Variants in UNC5B observed in about 807,000 individuals in gnomAD.
UNC5B encodes the protein unc-5 netrin receptor B, also known as netrin receptor UNC5B.
Under a neutral mutation model 103.7 loss-of-function variants are expected in UNC5B, and 56 were observed. The ratio of observed to expected loss-of-function variants is 0.54; its 90% confidence interval spans 0.44 to 0.67. The LOEUF (loss-of-function observed/expected upper bound fraction) is 0.67, where lower values mean the gene tolerates loss of function less well. Among genes scored for constraint, UNC5B ranks in the 30% least tolerant of loss-of-function variants. UNC5B has a pLI of 0.00. For missense variants in UNC5B, 1,194 were observed against 1,284.5 expected, an observed-to-expected ratio of 0.93 and a Z score of 1.08; for synonymous variants, 577 against 542.0, an observed-to-expected ratio of 1.06 and a Z score of -0.90.
At chr10:71,280,644 G>T (rs954629290) in intron 2 of UNC5B, among the ~76,000 whole-genome samples, 4 of 152,210 alleles carry the variant, frequency 2.6e-5, no homozygotes, top group African/African-American at 9.6e-5. Context: ...CTTCCTTCTC[G>T]GATATGTGGG....
At chr10:71,244,657 C>A (rs1843982204) in intron 1 of UNC5B, among the ~76,000 whole-genome samples, 1 of 152,222 alleles carries the variant, frequency 6.6e-6, no homozygotes, top group South Asian at 2.1e-4. Context: ...AATATCACAA[C>A]CTCCAAGAGG....
In UNC5B at chr10:71,298,575, T is replaced by C. The variant is rs115366442; in HGVS notation, c.2672+485T>C. The stretch of plus-strand genomic sequence containing the variant: ...CCAATGATAATAAATATTATACTTA[T>C]TGAAAGATGTGTAATAAACCTGCAT... On this transcript the variant is annotated intron_variant, in intron 16 of 16. Coordinates refer to ENST00000335350, the MANE Select transcript of UNC5B (RefSeq NM_170744.5). 1.1e-3 allele frequency among the ~76,000 whole-genome samples: 172 copies of C among 152,288 alleles called. 1 individual carries two copies. Among genetic ancestry groups the C allele is most frequent in the African/African-American group, 3.9e-3 (164 of 41,548 alleles).
chr10:71,273,810 G>A (rs112563707), intron 1 of UNC5B, among the ~76,000 whole-genome samples: 1,907 of 152,316 alleles, frequency 0.013, 49 homozygotes, highest in African/African-American at 0.043. Context: ...GAGGCTTTGA[G>A]CTGTCTGACT....
chr10:71,231,553 C>T (rs1037689998), intron 1 of UNC5B, among the ~76,000 whole-genome samples: 22 of 152,150 alleles, frequency 1.4e-4, no homozygotes, highest in Non-Finnish European at 4.4e-5. Context: ...AGCAATGTAC[C>T]CTAAATGCTC....
rs10999763 is a variant in UNC5B, at chr10:71,292,375, T to A, written c.1685-92T>A. ...GGGACTACCTGGAGCTCAGGAGATA[T>A]CTTTCTCTCCCAGCCCCAAGCTGGG... On this transcript the variant is annotated intron_variant, in intron 10 of 16. Transcript: ENST00000335350. 28 of 1,120,670 alleles carry A rather than the reference T, an allele frequency of 2.5e-5. No homozygotes were observed. In the African/African-American group the frequency reaches 3.4e-4, roughly 14 times the overall value. The allele number at this position is 1,120,670 out of a possible 1,614,324, so 69.4% of individuals were successfully genotyped here.
chr10:71,242,714 C>T (rs1425062860), intron 1 of UNC5B, among the ~76,000 whole-genome samples: 2 of 152,238 alleles, frequency 1.3e-5, no homozygotes, highest in Non-Finnish European at 1.5e-5. Context: ...CTGCCACATC[C>T]GTTCCTGTAG....
Position 71,295,825 on chromosome 10 carries a change from G to A in UNC5B, c.2190G>A (p.Leu730=). The A allele has an allele frequency of 6.2e-7, 1 of 1,612,478 alleles. No homozygotes were observed. Among genetic ancestry groups the A allele is most frequent in the South Asian group, 1.1e-5 (1 of 90,988 alleles). ...TPVALKEVLE[L]ERTLGGYLVE... is the part of the protein sequence containing the mutation. The stretch of plus-strand genomic sequence containing the variant: ...CTGGCCCACAGGAGGTGCTGGAGCT[G>A]GAGCGGACTCTGGGCGGATACTTGG... Residue 730 remains leucine (L), a synonymous_variant, in exon 14 of 17, where the codon CTG becomes CTA. Transcript: ENST00000335350.
chr10:71,287,719 C>T lies in UNC5B; in HGVS notation c.855C>T (p.Cys285=), dbSNP rs370545319. Residue 285 remains cysteine, a synonymous_variant, in exon 6 of 17, where the codon TGC becomes TGT. Transcript: ENST00000335350. ...CTCCACTCAACGGAGGGGCCTTCTG[C>T]GAGGGCCAGGCATTCCAGAAGACCG... ...NPAPLNGGAF[C]EGQAFQKTAC... 1.3e-5 allele frequency: 21 copies of T among 1,612,522 alleles called. No individual in the cohort carries two copies. The highest frequency in any genetic ancestry group is 4.4e-5 in the South Asian group (4 of 90,882).
At chr10:71,265,369 CT>C (rs1844500330) in intron 1 of UNC5B, among the ~76,000 whole-genome samples, 2 of 152,158 alleles carry the variant, frequency 1.3e-5, no homozygotes. Context: ...CCCTTGCAGG[CT>C]GAGGGCATCA....
chr10:71,213,726 A>AGT lies in UNC5B; in HGVS notation c.79+663_79+664insTG, dbSNP rs1238732312. 4.9e-5 allele frequency among the ~76,000 whole-genome samples: 4 copies of AGT among 81,860 alleles called. No individual in the cohort carries two copies. Among genetic ancestry groups the AGT allele is most frequent in the Admixed American group, 1.1e-4 (1 of 9,162 alleles). The allele number at this position is 81,860 out of a possible 152,430, so 53.7% of individuals were successfully genotyped here. On this transcript the variant is annotated intron_variant, in intron 1 of 16. Coordinates refer to ENST00000335350, the MANE Select transcript of UNC5B (RefSeq NM_170744.5). This position sits in a 1 kb window ranked among gnomAD's most constrained non-coding sequence, Gnocchi z 4.1. Reference sequence around the variant, plus strand: ...TTATTATTAATTTTCTGAGTGTTGGAGAGTGTGTGTGTGTGTGTGTGTGTG... The same window carrying AGT: ...TTATTATTAATTTTCTGAGTGTTGGAGTGAGTGTGTGTGTGTGTGTGTGTGTG...
At position 71,213,040 on chromosome 10, in the gene UNC5B, T is replaced by A. The variant is rs1017635371; in HGVS notation, c.55T>A (p.Trp19Arg). Reference protein sequence around the residue: ...GALLLALLLCWDPRLSQAGTD... With the variant: ...GALLLALLLCRDPRLSQAGTD... ...GCTGCTGCTGGCACTGCTGCTCTGCTGGGACCCGAGGCTGAGCCAAGCAGG... is the reference window on the plus strand; with the variant it reads ...GCTGCTGCTGGCACTGCTGCTCTGCAGGGACCCGAGGCTGAGCCAAGCAGG... The change falls in exon 1 of 17, where the codon TGG becomes AGG. Residue 19 changes from tryptophan to arginine, a missense_variant. Physicochemically the swap from Trp to Arg is moderately radical, Grantham distance 101 (BLOSUM62 -3). Transcript: ENST00000335350. This position sits in a 1 kb window ranked among gnomAD's most constrained non-coding sequence, Gnocchi z 4.1. 7.1e-7 allele frequency: 1 copy of A among 1,416,184 alleles called. No homozygotes were observed. Among genetic ancestry groups the A allele is most frequent in the Non-Finnish European group, 9.3e-7 (1 of 1,078,560 alleles). 87.7% of individuals were successfully genotyped at this position (1,416,184 alleles called of 1,614,324 possible).
chr10:71,261,000 C>T (rs963085434), intron 1 of UNC5B, among the ~76,000 whole-genome samples: 1 of 152,226 alleles, frequency 6.6e-6, no homozygotes, highest in Non-Finnish European at 1.5e-5. Context: ...AGCAGAGCAG[C>T]CGGCTGGTTC....
chr10:71,238,170 C>T (rs776079427), intron 1 of UNC5B, among the ~76,000 whole-genome samples: 1 of 152,192 alleles, frequency 6.6e-6, no homozygotes, highest in Non-Finnish European at 1.5e-5. Context: ...GTGGAAAGCC[C>T]GTTTCCTGTT....
chr10:71,250,707 T>C (rs966042704), intron 1 of UNC5B, among the ~76,000 whole-genome samples: 1 of 152,246 alleles, frequency 6.6e-6, no homozygotes, highest in Admixed American at 6.5e-5. Context: ...GATCCAGGGC[T>C]AAATTCTAAA....
chr10:71,299,304 G>A lies in UNC5B; in HGVS notation c.*27G>A. The A allele has an allele frequency of 6.2e-7, 1 of 1,611,848 alleles. No individual in the cohort carries two copies. Among genetic ancestry groups the A allele is most frequent in the South Asian group, 1.1e-5 (1 of 90,970 alleles). ...CCTCCTGGGACAGCGGGCTGGCAGG[G>A]ACTGGCAGGAGGCAGGTGCAGGGAG... On this transcript the variant is annotated 3_prime_UTR_variant, in exon 17 of 17. Coordinates refer to ENST00000335350, the MANE Select transcript of UNC5B (RefSeq NM_170744.5).
chr10:71,229,348 T>A (rs894245730), intron 1 of UNC5B, among the ~76,000 whole-genome samples: 2 of 152,188 alleles, frequency 1.3e-5, no homozygotes, highest in African/African-American at 4.8e-5. Flanking sequence ...GAGGAGACCC[T>A]GGGAGGATGG....
chr10:71,245,389 T>C (rs1235991200), intron 1 of UNC5B, among the ~76,000 whole-genome samples: 1 of 152,122 alleles, frequency 6.6e-6, no homozygotes, highest in Non-Finnish European at 1.5e-5. Context: ...ATTGATGGGG[T>C]AATGGAGGCT....
At chr10:71,258,391 T>G (rs1844340715) in intron 1 of UNC5B, among the ~76,000 whole-genome samples, 1 of 152,134 alleles carries the variant, frequency 6.6e-6, no homozygotes, top group Non-Finnish European at 1.5e-5. Flanking sequence ...GCTCACAAAT[T>G]GGGAGACTCT....
At chr10:71,262,396 A>G (rs1411641936) in intron 1 of UNC5B, among the ~76,000 whole-genome samples, 1 of 146,682 alleles carries the variant, frequency 6.8e-6, no homozygotes, top group South Asian at 2.2e-4. Context: ...GGGCAGGGCC[A>G]GGATTGTGGG....
Sources: allele counts gnomAD v4.1 joint callset (sites outside exome capture counted in the v4.1 genomes callset), GRCh38; gene constraint gnomAD v4.1.1; non-coding constraint Gnocchi (gnomAD v3.1); transcripts MANE v1.5; gene names NCBI Gene and HGNC (gene_info 2026-07-23, HGNC 2026-07-21).